DNAH12: variants seen among roughly 807,000 people sequenced by gnomAD.
DNAH12 encodes axonemal beta dynein heavy chain 12.
Under a neutral mutation model 371.5 loss-of-function variants are expected in DNAH12, and 285 were observed. The observed-to-expected ratio is 0.77, with a 90% CI of 0.70 to 0.85. The LOEUF (loss-of-function observed/expected upper bound fraction) is 0.85, where lower values mean the gene tolerates loss of function less well. DNAH12 is among the 40% of genes least tolerant of loss of function. The probability of loss-of-function intolerance (pLI) is 0.00; values close to 1 mark genes in which losing one functional copy is unlikely to be tolerated. For missense variants in DNAH12, 3,611 were observed against 3,689.4 expected, an observed-to-expected ratio of 0.98 and a Z score of 0.55; for synonymous variants, 1,200 against 1,213.0, an observed-to-expected ratio of 0.99 and a Z score of 0.22.
chr3:57,345,318 A>T (rs782202651), intron 60 of DNAH12, among the ~76,000 whole-genome samples: 1 of 152,118 alleles, frequency 6.6e-6, no homozygotes, highest in African/African-American at 2.4e-5. Flanking sequence ...GAAAACTACA[A>T]ACCAAAATCT....
intron 60 of DNAH12, among the ~76,000 whole-genome samples, chr3:57,337,693 T>C (rs551571575): frequency 7.2e-5 from 11 of 152,194 alleles, no homozygotes; most frequent in African/African-American, 2.4e-4. Flanking sequence ...TATATATATA[T>C]GCATCCAACA....
chr3:57,554,241 C>G, the DNAH12 span, among the ~76,000 whole-genome samples: 6 of 129,486 alleles, frequency 4.6e-5, no homozygotes, highest in Admixed American at 3.7e-4. Flanking sequence ...GAGCCGAGAT[C>G]ACACCACTGC....
chr3:57,396,728 C>T (rs1440489978), intron 43 of DNAH12, among the ~76,000 whole-genome samples: 2 of 152,344 alleles, frequency 1.3e-5, no homozygotes, highest in Admixed American at 6.5e-5. Flanking sequence ...TGTTCTACCA[C>T]ACTTGGCTAA....
At chr3:57,421,448 C>T (rs1215286848) in intron 36 of DNAH12, 70 bp downstream of exon 36, 6 of 1,479,830 alleles carry the variant, frequency 4.1e-6, no homozygotes, top group East Asian at 2.5e-5. Flanking sequence ...AGGATGAAAA[C>T]CCAGGAGCTT....
In DNAH12 at chr3:57,388,751, G is replaced by A. The variant is rs960040659; in HGVS notation, c.7306-1532C>T. On this transcript the variant is annotated intron_variant, in intron 45 of 73. Transcript: ENST00000495027. ...AAAAAAGGATGAGTTCATGTCCTTT[G>A]TAGGGACATGGATGAAGCTGGAAAC... Among the ~76,000 whole-genome samples the A allele has an allele frequency of 9.5e-3, 1,452 of 152,204 alleles. 22 individuals carry two copies. The highest frequency in any genetic ancestry group is 0.012 in the Non-Finnish European group (838 of 68,014).
chr3:57,520,877 C>T (rs1241947856), intron 4 of DNAH12, among the ~76,000 whole-genome samples: 1 of 151,528 alleles, frequency 6.6e-6, no homozygotes, highest in East Asian at 1.9e-4. Flanking sequence ...TTTTTTCATC[C>T]TCTTAACAGG....
intron 62 of DNAH12, among the ~76,000 whole-genome samples, chr3:57,329,638 G>C (rs1575460733): frequency 2.0e-5 from 3 of 147,798 alleles, no homozygotes; most frequent in South Asian, 4.5e-4. Context: ...TTACCATTCA[G>C]GACATAGGCA....
Position 57,446,516 on chromosome 3 carries a change from T to C in DNAH12, c.3939+21A>G, listed in dbSNP as rs1313744704. On this transcript the variant is annotated intron_variant, in intron 26 of 73. Transcript: ENST00000495027. Reference sequence around the variant, plus strand: ...TGTAAGTTTGAAACATTTAATATTATTGATTCAGCAATTTAACTACCTTTC... The same window carrying C: ...TGTAAGTTTGAAACATTTAATATTACTGATTCAGCAATTTAACTACCTTTC... 17 of 1,513,742 alleles carry C rather than the reference T, an allele frequency of 1.1e-5. No homozygotes were observed. In the East Asian group the frequency reaches 3.5e-4, roughly 31 times the overall value. 93.8% of individuals were successfully genotyped at this position (1,513,742 alleles called of 1,614,324 possible).
In DNAH12 at chr3:57,425,148, G is replaced by A. The variant is rs1046172911; in HGVS notation, c.5254-7C>T. The A allele has an allele frequency of 1.5e-6, 1 of 687,290 alleles. No homozygotes were observed. The highest frequency in any genetic ancestry group is 2.6e-6 in the Non-Finnish European group (1 of 380,940). The allele number at this position is 687,290 out of a possible 1,614,324, so 42.6% of individuals were successfully genotyped here. Reference sequence around the variant, plus strand: ...TGCTTGTAGGAATCAGTTCCTGCAAGGTGAAAATAAGATAACTTTCTTAAT... The same window carrying A: ...TGCTTGTAGGAATCAGTTCCTGCAAAGTGAAAATAAGATAACTTTCTTAAT... On this transcript the variant is annotated splice_polypyrimidine_tract_variant and splice_region_variant and intron_variant, in intron 34 of 73. Transcript: ENST00000495027.
chr3:57,320,139 G>A (rs1202703582), intron 65 of DNAH12, among the ~76,000 whole-genome samples: 1 of 152,160 alleles, frequency 6.6e-6, no homozygotes, highest in African/African-American at 2.4e-5. Flanking sequence ...GTAGGGCACT[G>A]ACATCTGTAG....
At chr3:57,316,133 C>T (rs6775523) in intron 65 of DNAH12, among the ~76,000 whole-genome samples, 46,550 of 144,296 alleles carry the variant, frequency 0.32, 7,979 homozygotes, top group African/African-American at 0.46. Context: ...ACCCCTTCCC[C>T]TTTTTTTTTT....
chr3:57,419,051 G>A (rs957807587), intron 37 of DNAH12, among the ~76,000 whole-genome samples: 4 of 152,168 alleles, frequency 2.6e-5, no homozygotes, highest in Non-Finnish European at 5.9e-5. Context: ...TCAGGAGTAC[G>A]CTGAATCTTT....
intron 4 of DNAH12, among the ~76,000 whole-genome samples, chr3:57,517,154 A>G (rs1036324016): frequency 6.6e-6 from 1 of 152,084 alleles, no homozygotes; most frequent in African/African-American, 2.4e-5. Flanking sequence ...TTCTCTAACC[A>G]CATGCCTAAT....
intron 45 of DNAH12, among the ~76,000 whole-genome samples, chr3:57,389,020 T>A (rs1386695335): frequency 1.3e-5 from 2 of 152,156 alleles, no homozygotes; most frequent in African/African-American, 4.8e-5. Flanking sequence ...AACCTGCACG[T>A]TGTGCACATG....
intron 69 of DNAH12, among the ~76,000 whole-genome samples, chr3:57,308,904 A>G (rs1575429974): frequency 6.6e-6 from 1 of 151,910 alleles, no homozygotes; most frequent in Admixed American, 6.6e-5. Flanking sequence ...TGTAAGACAA[A>G]TGTTTCTTCT....
intron 29 of DNAH12, among the ~76,000 whole-genome samples, chr3:57,437,521 G>A (rs552650703): frequency 6.6e-6 from 1 of 152,276 alleles, no homozygotes; most frequent in Admixed American, 6.5e-5. Flanking sequence ...CCTTTCCTAG[G>A]TAAGCACAAA....
chr3:57,438,855 C>G (rs2065214134), intron 29 of DNAH12, among the ~76,000 whole-genome samples: 1 of 134,238 alleles, frequency 7.4e-6, no homozygotes, highest in African/African-American at 2.8e-5. Context: ...TGGGAGGCTG[C>G]AGTAAGCAGA....
At chr3:57,374,424 T>C (rs1295274616) in intron 55 of DNAH12, among the ~76,000 whole-genome samples, 1 of 152,126 alleles carries the variant, frequency 6.6e-6, no homozygotes, top group Non-Finnish European at 1.5e-5. Context: ...TAGAAAACTA[T>C]TTCTCAAAGG....
chr3:57,313,445 AGTTT>A (rs2061621266), intron 66 of DNAH12, among the ~76,000 whole-genome samples: 1 of 152,200 alleles, frequency 6.6e-6, no homozygotes, highest in Non-Finnish European at 1.5e-5. Context: ...TGAGCTCAGG[AGTTT>A]GAGACAAGCC....
Sources: gnomAD v4.1 joint callset for allele counts (sites outside exome capture counted in the v4.1 genomes callset) on GRCh38, gnomAD v4.1.1 for gene constraint, MANE v1.5 for transcripts, NCBI Gene and HGNC (gene_info 2026-07-23, HGNC 2026-07-21) for gene names.